MSH3: variants seen among roughly 807,000 people sequenced by gnomAD.
MSH3 encodes the protein DNA mismatch repair protein Msh3.
MSH3 carries 106 observed loss-of-function variants against 123.3 expected under a neutral mutation model. That is an observed-to-expected ratio of 0.86 (90% confidence interval 0.73 to 1.01). MSH3 has a LOEUF of 1.01. Among genes scored for constraint, MSH3 ranks in the 50% least tolerant of loss-of-function variants. The probability of loss-of-function intolerance (pLI) is 0.00; values close to 1 mark genes in which losing one functional copy is unlikely to be tolerated. For missense variants in MSH3, 1,459 were observed against 1,347.6 expected, an observed-to-expected ratio of 1.08 and a Z score of -1.29; for synonymous variants, 515 against 481.4, an observed-to-expected ratio of 1.07 and a Z score of -0.91.
intron 22 of MSH3, among the ~76,000 whole-genome samples, chr5:80,868,677 A>AT (rs1746146125): frequency 6.7e-6 from 1 of 148,774 alleles, no homozygotes; most frequent in Non-Finnish European, 1.5e-5. Flanking sequence ...ACAAGGCTTA[A>AT]TACCTGGGCG....
chr5:80,752,108 A>G (rs943642196), intron 12 of MSH3, among the ~76,000 whole-genome samples: 1 of 152,020 alleles, frequency 6.6e-6, no homozygotes, highest in Admixed American at 6.6e-5. Flanking sequence ...AAAGTGTTAC[A>G]TTAATTTTAG....
chr5:80,834,118 A>G (rs1034456705), intron 20 of MSH3, among the ~76,000 whole-genome samples: 14 of 152,140 alleles, frequency 9.2e-5, no homozygotes, highest in African/African-American at 3.4e-4. Flanking sequence ...CAGCATTGCT[A>G]CTTCCATTGG....
At chr5:80,853,949 A>T (rs1019424422) in intron 20 of MSH3, among the ~76,000 whole-genome samples, 181 bp from the exon 21 acceptor site, 1 of 152,218 alleles carries the variant, frequency 6.6e-6, no homozygotes, top group African/African-American at 2.4e-5. Flanking sequence ...AAAGTACAGT[A>T]TGATGTTAGA....
At chr5:80,656,154 C>A (rs1275705045) in intron 1 of MSH3, among the ~76,000 whole-genome samples, 1 of 152,148 alleles carries the variant, frequency 6.6e-6, no homozygotes, top group Non-Finnish European at 1.5e-5. Context: ...GAATCAAGAC[C>A]GGTAGCAGCC....
At chr5:80,663,711 A>G (rs979686736) in intron 2 of MSH3, among the ~76,000 whole-genome samples, 1 of 152,222 alleles carries the variant, frequency 6.6e-6, no homozygotes, top group African/African-American at 2.4e-5. Context: ...TTTTGTGGCT[A>G]GAAAATTCAC....
intron 16 of MSH3, among the ~76,000 whole-genome samples, chr5:80,777,891 A>C (rs1180471237): frequency 6.6e-6 from 1 of 152,094 alleles, no homozygotes; most frequent in Admixed American, 6.6e-5. Flanking sequence ...CCACCACCAC[A>C]ACCACAATAC....
chr5:80,869,917 T>C (rs1290262742), intron 22 of MSH3, among the ~76,000 whole-genome samples: 1 of 150,662 alleles, frequency 6.6e-6, no homozygotes, highest in Non-Finnish European at 1.5e-5. Context: ...CTCACGCCTG[T>C]AATCTCAGCA....
intron 21 of MSH3, among the ~76,000 whole-genome samples, chr5:80,856,146 A>G (rs1264099234): frequency 3.3e-5 from 5 of 151,864 alleles, no homozygotes. Context: ...TGGCTTCCCA[A>G]AGTTCTGGGA....
intron 4 of MSH3, among the ~76,000 whole-genome samples, chr5:80,671,113 ACT>A (rs1428745613): frequency 9.1e-6 from 1 of 109,986 alleles, no homozygotes. Flanking sequence ...GCACAGCAAG[ACT>A]CTGTCTCAAA....
At chr5:80,810,496 T>C (rs1160426270) in intron 19 of MSH3, among the ~76,000 whole-genome samples, 1 of 152,126 alleles carries the variant, frequency 6.6e-6, no homozygotes, top group African/African-American at 2.4e-5. Context: ...ATCTTTAACT[T>C]TGCTAGGCGT....
rs373386028 is a variant in MSH3, at chr5:80,766,431, C to T, written c.1897-1502C>T. On this transcript the variant is annotated intron_variant, in intron 13 of 23. Coordinates refer to ENST00000265081, the MANE Select transcript of MSH3 (RefSeq NM_002439.5). ...CACGATCTCGGCTCACTGCAGTCTC[C>T]GCCTTCCAGGCTCAAGCGATTCTCC... Among the ~76,000 whole-genome samples the T allele has an allele frequency of 5.3e-5, 8 of 150,114 alleles. No homozygotes were observed. In the South Asian group the frequency reaches 1.3e-3, roughly 24 times the overall value.
intron 22 of MSH3, among the ~76,000 whole-genome samples, chr5:80,869,678 A>C (rs1446989486): frequency 6.6e-6 from 1 of 151,580 alleles, no homozygotes; most frequent in Non-Finnish European, 1.5e-5. Flanking sequence ...AGAGCAGTGA[A>C]ATATTTTATG....
intron 23 of MSH3, among the ~76,000 whole-genome samples, chr5:80,875,381 G>A (rs1746290259): frequency 6.6e-6 from 1 of 152,034 alleles, no homozygotes; most frequent in Admixed American, 6.5e-5. Context: ...ATTGTTTTCG[G>A]TTGGTGTTAC....
rs1277559108 is a variant in MSH3, at chr5:80,729,460, G to GTGTGTGTGTGTGTGTGTA, written c.1568+496_1568+497insGTGTGTGTGTGTGTGTAT. On this transcript the variant is annotated intron_variant, in intron 10 of 23. Coordinates refer to ENST00000265081, the MANE Select transcript of MSH3 (RefSeq NM_002439.5). ...TGTGTGTGTGTGTGTGTGTGTGTGT[G>GTGTGTGTGTGTGTGTGTA]TATATATATATATATATATAAAGAA... 1.5e-3 allele frequency among the ~76,000 whole-genome samples: 143 copies of GTGTGTGTGTGTGTGTGTA among 94,992 alleles called. 2 individuals carry two copies. The highest frequency in any genetic ancestry group is 1.8e-3 in the Non-Finnish European group (93 of 50,654). 62.3% of individuals were successfully genotyped at this position (94,992 alleles called of 152,430 possible). A position where few individuals can be genotyped will look rare whatever the true frequency, so the allele number is the denominator to read the frequency against.
chr5:80,700,766 C>A (rs1318222356), intron 8 of MSH3, among the ~76,000 whole-genome samples: 4 of 152,116 alleles, frequency 2.6e-5, no homozygotes, highest in African/African-American at 9.7e-5. Context: ...AGGAATATAT[C>A]TCCTTGAAAA....
chr5:80,800,735 TGG>T (rs1324752906), intron 19 of MSH3, among the ~76,000 whole-genome samples: 1 of 152,242 alleles, frequency 6.6e-6, no homozygotes, highest in Non-Finnish European at 1.5e-5. Context: ...ATCTATTTAT[TGG>T]GTGCCTTCTT....
intron 18 of MSH3, 59 bp from the exon 19 acceptor site, chr5:80,792,674 G>GTTT: frequency 2.3e-6 from 2 of 865,540 alleles, no homozygotes; most frequent in Non-Finnish European, 3.5e-6. Context: ...CTATCTTAGA[G>GTTT]TTTTTTTTTT....
intron 19 of MSH3, among the ~76,000 whole-genome samples, chr5:80,808,858 C>CATATATATATATATATATATATATAT (rs747818551): frequency 5.6e-4 from 37 of 65,782 alleles, no homozygotes; most frequent in East Asian, 1.0e-3. Flanking sequence ...ATATCTTCTT[C>CATATATATATATATATATATATATAT]ATATATATAT....
rs770367587 is a variant in MSH3, at chr5:80,728,899, G to C, written c.1502G>C (p.Cys501Ser). Reference protein sequence around the residue: ...GIVNLEKPVICSLAAIIKYLK... With the variant: ...GIVNLEKPVISSLAAIIKYLK... ...GTTAACTTAGAGAAGCCTGTGATTT[G>C]CTCTTTGGCTGCCATCATAAAATAC... is the stretch of plus-strand genomic sequence containing the variant. Residue 501 changes from cysteine to serine, a missense_variant, in exon 10 of 24, where the codon TGC becomes TCC. Cys to Ser is a moderately radical substitution (Grantham distance 112). Coordinates refer to ENST00000265081, the MANE Select transcript of MSH3 (RefSeq NM_002439.5). 1.2e-6 allele frequency: 2 copies of C among 1,612,734 alleles called. No homozygotes were observed. Among genetic ancestry groups the C allele is most frequent in the Non-Finnish European group, 1.7e-6 (2 of 1,179,044 alleles).
Sources: gnomAD v4.1 joint callset for allele counts (sites outside exome capture counted in the v4.1 genomes callset) on GRCh38, gnomAD v4.1.1 for gene constraint, MANE v1.5 for transcripts, NCBI Gene and HGNC (gene_info 2026-07-23, HGNC 2026-07-21) for gene names.